THEMIS: variants seen among roughly 807,000 people sequenced by gnomAD.
THEMIS encodes the protein protein THEMIS.
In THEMIS, 37 loss-of-function variants were observed where a neutral mutation model predicts 52.6. That is an observed-to-expected ratio of 0.70 (90% confidence interval 0.54 to 0.93). The LOEUF (loss-of-function observed/expected upper bound fraction) is 0.93, where lower values mean the gene tolerates loss of function less well. THEMIS is among the 40% of genes least tolerant of loss of function. The pLI is 0.00. For missense variants in THEMIS, 808 were observed against 763.1 expected, an observed-to-expected ratio of 1.06 and a Z score of -0.69; for synonymous variants, 292 against 272.7, an observed-to-expected ratio of 1.07 and a Z score of -0.70.
rs200276920 is a variant in THEMIS at position 127,755,358 on chromosome 6, A to G, written c.1759-35535T>C. 3.9e-5 allele frequency among the ~76,000 whole-genome samples: 6 copies of G among 152,336 alleles called. No homozygotes were observed. The East Asian group carries it at 9.6e-4, about 24-fold the overall frequency. On this transcript the variant is annotated intron_variant, in intron 4 of 5. Coordinates refer to ENST00000368248, the MANE Select transcript of THEMIS (RefSeq NM_001010923.3). Reference sequence around the variant, plus strand: ...GAAGCTTTGGATTTCTGCTGAGAAAACAACAGAAGAATCAATGAACAAGAA... The same window carrying G: ...GAAGCTTTGGATTTCTGCTGAGAAAGCAACAGAAGAATCAATGAACAAGAA...
chr6:127,787,876 TAGATATAG>T (rs1217597273), intron 4 of THEMIS, among the ~76,000 whole-genome samples: 238 of 119,876 alleles, frequency 2.0e-3, no homozygotes, highest in East Asian at 5.5e-3. Context: ...GATAGATAGA[TAGATATAG>T]ATAGATAGAT....
At chr6:127,892,404 G>T (rs1196748949) in intron 1 of THEMIS, among the ~76,000 whole-genome samples, 1 of 152,074 alleles carries the variant, frequency 6.6e-6, no homozygotes, top group Non-Finnish European at 1.5e-5. Flanking sequence ...ACCTCACCTT[G>T]CTTTACTCTC....
At chr6:127,847,460 A>G (rs1361648056) in intron 2 of THEMIS, among the ~76,000 whole-genome samples, 2 of 152,062 alleles carry the variant, frequency 1.3e-5, no homozygotes, top group East Asian at 3.9e-4. Context: ...ATCAATGTAC[A>G]CAAATCAGTA....
intron 4 of THEMIS, among the ~76,000 whole-genome samples, chr6:127,788,171 C>T (rs79057611): frequency 0.017 from 2,647 of 152,202 alleles, 81 homozygotes; most frequent in African/African-American, 0.061. Context: ...ACAGGGGAGA[C>T]GTCTCTAAAC....
intron 4 of THEMIS, among the ~76,000 whole-genome samples, chr6:127,733,278 G>A (rs1406685336): frequency 6.6e-6 from 1 of 152,082 alleles, no homozygotes; most frequent in Non-Finnish European, 1.5e-5. Flanking sequence ...TTTGCAAATA[G>A]CTTCCTCTGC....
intron 4 of THEMIS, among the ~76,000 whole-genome samples, chr6:127,738,534 C>A (rs1048318438): frequency 3.9e-5 from 6 of 152,070 alleles, no homozygotes; most frequent in Non-Finnish European, 7.4e-5. Flanking sequence ...TTGCTATTGC[C>A]CACATTGTAA....
At chr6:127,809,133 G>C (rs1305456335) in intron 4 of THEMIS, among the ~76,000 whole-genome samples, 1 of 152,082 alleles carries the variant, frequency 6.6e-6, no homozygotes, top group Non-Finnish European at 1.5e-5. Context: ...AAATGAGTTT[G>C]AATATTTAAA....
intron 4 of THEMIS, among the ~76,000 whole-genome samples, chr6:127,752,107 G>A (rs1311533553): frequency 1.3e-5 from 2 of 151,612 alleles, no homozygotes; most frequent in Admixed American, 1.3e-4. Flanking sequence ...AACGTGTCTT[G>A]GGACAAACAA....
chr6:127,906,484 C>G (rs1350525502), intron 1 of THEMIS, among the ~76,000 whole-genome samples: 1 of 151,968 alleles, frequency 6.6e-6, no homozygotes, highest in Non-Finnish European at 1.5e-5. Context: ...ATATTACAAA[C>G]TGTTGTGATC....
chr6:127,910,586 A>C (rs1275668794), intron 1 of THEMIS, among the ~76,000 whole-genome samples: 1 of 152,166 alleles, frequency 6.6e-6, no homozygotes, highest in Non-Finnish European at 1.5e-5. Context: ...ATGACTGTAC[A>C]TTTGAAATGG....
intron 4 of THEMIS, among the ~76,000 whole-genome samples, chr6:127,739,594 AGCACCACT>A (rs972808665): frequency 2.0e-5 from 3 of 152,132 alleles, no homozygotes; most frequent in African/African-American, 7.2e-5. Flanking sequence ...GAGCCGAGAT[AGCACCACT>A]GCACGCTAGC....
At chr6:127,824,910 G>A (rs1167877640) in intron 3 of THEMIS, among the ~76,000 whole-genome samples, 2 of 149,880 alleles carry the variant, frequency 1.3e-5, no homozygotes, top group Non-Finnish European at 3.0e-5. Context: ...GGGCGACAGA[G>A]GGAGACTCCG....
At chr6:127,702,005 C>T in the THEMIS span, among the ~76,000 whole-genome samples, 3 of 152,010 alleles carry the variant, frequency 2.0e-5, no homozygotes, top group African/African-American at 7.2e-5. Context: ...ATATCCTACT[C>T]ATTCTTGATT....
At chr6:127,842,802 T>C (rs75861681) in intron 2 of THEMIS, among the ~76,000 whole-genome samples, 3,063 of 152,060 alleles carry the variant, frequency 0.02, 119 homozygotes, top group African/African-American at 0.07. Context: ...GTTTGTAAGC[T>C]CAGGGTTCCC....
chr6:127,877,647 T>C (rs913663572), intron 1 of THEMIS, among the ~76,000 whole-genome samples: 7 of 152,322 alleles, frequency 4.6e-5, no homozygotes, highest in Admixed American at 4.6e-4. Flanking sequence ...ATGCTCACTG[T>C]TCGTGGTGCC....
chr6:127,861,801 A>AAAAAG (rs1779810047), intron 1 of THEMIS, among the ~76,000 whole-genome samples: 1 of 109,102 alleles, frequency 9.2e-6, no homozygotes, highest in Non-Finnish European at 1.8e-5. Flanking sequence ...AAAAAAAAAA[A>AAAAAG]AAAAGAAAAG....
rs894236205 is a variant in THEMIS at position 127,709,092 on chromosome 6, A to G, written c.*893T>C. 1 of 152,058 alleles carries G rather than the reference A, an allele frequency of 6.6e-6. No homozygotes were observed. Among genetic ancestry groups the G allele is most frequent in the Non-Finnish European group, 1.5e-5 (1 of 67,958 alleles). 9.4% of individuals were successfully genotyped at this position (152,058 alleles called of 1,614,324 possible). ...TGTGAGAGCCCTTAAAGTAATTTTT[A>G]TAGATGGTACAACTATAAGAGCATC... is the stretch of plus-strand genomic sequence containing the variant. On this transcript the variant is annotated 3_prime_UTR_variant, in exon 6 of 6. Transcript: ENST00000368248.
At chr6:127,744,223 GT>G (rs1775305567) in intron 4 of THEMIS, among the ~76,000 whole-genome samples, 2 of 151,976 alleles carry the variant, frequency 1.3e-5, no homozygotes, top group African/African-American at 4.8e-5. Context: ...AACAACATGT[GT>G]CTTTTATAGT....
At chr6:127,808,191 A>G (rs1367799930) in intron 4 of THEMIS, among the ~76,000 whole-genome samples, 1 of 152,186 alleles carries the variant, frequency 6.6e-6, no homozygotes, top group Non-Finnish European at 1.5e-5. Flanking sequence ...AAGACATGGA[A>G]TATCTCATCT....
Sources: gnomAD v4.1 joint callset for allele counts (sites outside exome capture counted in the v4.1 genomes callset) on GRCh38, gnomAD v4.1.1 for gene constraint, MANE v1.5 for transcripts, NCBI Gene and HGNC (gene_info 2026-07-23, HGNC 2026-07-21) for gene names.